Variants in SLC5A5 observed in about 807,000 individuals in gnomAD.
The protein encoded by SLC5A5 is sodium/iodide cotransporter.
In SLC5A5, 56 loss-of-function variants were observed where a neutral mutation model predicts 68.6. The ratio of observed to expected loss-of-function variants is 0.82; its 90% CI spans 0.66 to 1.02. SLC5A5 has a LOEUF of 1.02. Among genes scored for constraint, SLC5A5 ranks in the 50% least tolerant of loss-of-function variants. SLC5A5 has a pLI of 0.00. For synonymous variants in SLC5A5, 398 were observed against 373.0 expected, an observed-to-expected ratio of 1.07 and a Z score of -0.77; for missense variants, 807 against 859.8, an observed-to-expected ratio of 0.94 and a Z score of 0.77.
chr19:17,874,400 G>A, intron 2 of SLC5A5, 94 bp from the exon 3 acceptor site: 5 of 1,222,138 alleles, frequency 4.1e-6, no homozygotes, highest in Non-Finnish European at 2.4e-6. Context: ...TATCTGCCCC[G>A]CCCATATTCT....
At chr19:17,893,553 C>T (rs7250346) in intron 14 of SLC5A5, among the ~76,000 whole-genome samples, 160 bp from the exon 15 acceptor site, 1 of 151,872 alleles carries the variant, frequency 6.6e-6, no homozygotes, top group Non-Finnish European at 1.5e-5. Flanking sequence ...GGAGGCAGAG[C>T]GGGCAGGACT....
Position 17,875,199 on chromosome 19 carries a change from G to A in SLC5A5, c.543+468G>A, listed in dbSNP as rs553306003. 9.2e-5 allele frequency among the ~76,000 whole-genome samples: 14 copies of A among 151,686 alleles called. No homozygotes were observed. The East Asian group carries it at 2.1e-3, about 23-fold the overall frequency. ...AGCCTGGCCAACATGATGAAACCCC[G>A]TCTCTACTAAGAATACAAAAATTAC... On this transcript the variant is annotated intron_variant, in intron 4 of 14. Transcript: ENST00000222248.
intron 12 of SLC5A5, 81 bp from the exon 13 acceptor site, chr19:17,888,250 C>A: frequency 6.4e-7 from 1 of 1,554,798 alleles, no homozygotes; most frequent in Non-Finnish European, 8.8e-7. Flanking sequence ...GGGAAGGAAG[C>A]AGGGGGTGAG....
intron 7 of SLC5A5, among the ~76,000 whole-genome samples, chr19:17,880,217 C>CT (rs55961004): frequency 0.18 from 24,543 of 139,052 alleles, 2,412 homozygotes; most frequent in Admixed American, 0.23. Context: ...TCTTTTCTTT[C>CT]TTTTTTTTTT....
At chr19:17,892,742 T>G (rs2030236382) in intron 14 of SLC5A5, among the ~76,000 whole-genome samples, 1 of 150,036 alleles carries the variant, frequency 6.7e-6, no homozygotes, top group African/African-American at 2.5e-5. Context: ...ATGATAAATA[T>G]TCAAAGGATA....
At chr19:17,888,606 A>G in intron 13 of SLC5A5, 151 bp downstream of exon 13, 1 of 425,636 alleles carries the variant, frequency 2.3e-6, no homozygotes, top group Non-Finnish European at 4.0e-6. Context: ...TATTATTATT[A>G]TTATTATTAT....
chr19:17,892,552 G>C (rs1403788888), intron 14 of SLC5A5, among the ~76,000 whole-genome samples: 1 of 151,770 alleles, frequency 6.6e-6, no homozygotes, highest in South Asian at 2.1e-4. Flanking sequence ...CAGGAGAATC[G>C]ATTGAACTCA....
intron 7 of SLC5A5, 123 bp from the exon 8 acceptor site, chr19:17,880,742 T>C (rs1460898788): frequency 6.6e-6 from 5 of 754,798 alleles, no homozygotes; most frequent in East Asian, 5.0e-5. Flanking sequence ...ACTAAATGCA[T>C]ATTAAATGCC....
At chr19:17,882,672 C>T (rs1290529394) in intron 10 of SLC5A5, among the ~76,000 whole-genome samples, 1 of 149,854 alleles carries the variant, frequency 6.7e-6, no homozygotes, top group East Asian at 1.9e-4. Flanking sequence ...GCCACCATGC[C>T]CGTCTAATAT....
At chr19:17,882,662 G>A (rs184821000) in intron 10 of SLC5A5, among the ~76,000 whole-genome samples, 12 of 151,348 alleles carry the variant, frequency 7.9e-5, no homozygotes, top group Non-Finnish European at 1.6e-4. Context: ...ACAGGTGCAT[G>A]CCACCATGCC....
chr19:17,876,679 T>G (rs1222138133), intron 5 of SLC5A5, among the ~76,000 whole-genome samples: 2 of 151,940 alleles, frequency 1.3e-5, no homozygotes, highest in African/African-American at 4.8e-5. Context: ...CTGGCCAACT[T>G]GATGAAAGTC....
intron 12 of SLC5A5, among the ~76,000 whole-genome samples, chr19:17,885,224 T>A (rs1206132828): frequency 2.6e-5 from 4 of 152,044 alleles, no homozygotes; most frequent in African/African-American, 9.7e-5. Context: ...TTGCCCAGGC[T>A]GGTCTGGAAT....
Position 17,878,049 on chromosome 19 carries a change from G to T in SLC5A5, c.925G>T (p.Asp309Tyr). 6.2e-7 allele frequency: 1 copy of T among 1,612,986 alleles called. No individual in the cohort carries two copies. Among genetic ancestry groups the T allele is most frequent in the South Asian group, 1.1e-5 (1 of 91,076 alleles). ...CGIVMFVFYT[D>Y]CDPLLLGRIS... is the part of the protein sequence containing the mutation. Reference sequence around the variant, plus strand: ...CATCGTCATGTTTGTGTTCTACACTGACTGCGACCCTCTCCTCCTGGGGCG... The same window carrying T: ...CATCGTCATGTTTGTGTTCTACACTTACTGCGACCCTCTCCTCCTGGGGCG... Residue 309 changes from aspartate (D) to tyrosine (Y), a missense_variant, in exon 7 of 15, where the codon GAC becomes TAC. Transcript: ENST00000222248.
Position 17,891,030 on chromosome 19 carries a change from A to G in SLC5A5, c.1767+29A>G, listed in dbSNP as rs4808709. 0.23 allele frequency: 335,417 copies of G among 1,442,488 alleles called. 41,214 individuals are homozygous for G. The highest frequency in any genetic ancestry group is 0.27 in the Middle Eastern group (1,525 of 5,702). The allele number at this position is 1,442,488 out of a possible 1,614,324, so 89.4% of individuals were successfully genotyped here. A position where few individuals can be genotyped will look rare whatever the true frequency, so the allele number is the denominator to read the frequency against. On this transcript the variant is annotated intron_variant, in intron 14 of 14. Coordinates refer to ENST00000222248, the MANE Select transcript of SLC5A5 (RefSeq NM_000453.3). Reference sequence around the variant, plus strand: ...AGTCTTAGGCTGGGTTCCCAGATCTAGAGGCAGCCAAGTGACTTTAGGACG... The same window carrying G: ...AGTCTTAGGCTGGGTTCCCAGATCTGGAGGCAGCCAAGTGACTTTAGGACG...
intron 14 of SLC5A5, among the ~76,000 whole-genome samples, chr19:17,893,470 G>C (rs927116719): frequency 6.6e-6 from 1 of 152,140 alleles, no homozygotes; most frequent in Non-Finnish European, 1.5e-5. Context: ...ACTATAGCAG[G>C]CATCTGAGAA....
At position 17,882,201 on chromosome 19, in the gene SLC5A5, CGGA is replaced by C. The variant is rs776132535; in HGVS notation, c.1230_1232del (p.Gly411del). 2 of 1,613,742 alleles carry C rather than the reference CGGA, an allele frequency of 1.2e-6. No individual in the cohort carries two copies. Among genetic ancestry groups the C allele is most frequent in the Admixed American group, 3.3e-5 (2 of 59,996 alleles). ...CCGTGGCAGCCCTGTCCTCACTGCT[CGGA>C]GGAGGTGTCCTTCAGGTGAGACCCC... On this transcript the variant is annotated inframe_deletion, in exon 10 of 15. Coordinates refer to ENST00000222248, the MANE Select transcript of SLC5A5 (RefSeq NM_000453.3).
At chr19:17,877,063 C>G (rs1171101552) in intron 5 of SLC5A5, among the ~76,000 whole-genome samples, 2 of 151,502 alleles carry the variant, frequency 1.3e-5, no homozygotes, top group African/African-American at 2.4e-5. Context: ...GGGCTGGGCT[C>G]CCTTTGTGCC....
intron 13 of SLC5A5, among the ~76,000 whole-genome samples, chr19:17,889,490 A>G (rs1599932893): frequency 2.0e-5 from 3 of 152,002 alleles, no homozygotes; most frequent in Admixed American, 6.6e-5. Context: ...GAGAGAAAGA[A>G]AAGAGACAGG....
At chr19:17,874,016 G>A (rs892779243) in intron 1 of SLC5A5, 122 bp from the exon 2 acceptor site, 151 of 735,666 alleles carry the variant, frequency 2.1e-4, no homozygotes, top group Middle Eastern at 1.0e-3. Context: ...CCACGTGCAA[G>A]AATCTGGCGG....
Sources: gnomAD v4.1 joint callset for allele counts (sites outside exome capture counted in the v4.1 genomes callset) on GRCh38, gnomAD v4.1.1 for gene constraint, MANE v1.5 for transcripts, NCBI Gene and HGNC (gene_info 2026-07-23, HGNC 2026-07-21) for gene names.